The following PCNX2 variants were observed in gnomAD, a reference collection of about 807,000 sequenced individuals.
PCNX2 encodes pecanex-like protein 2.
Under a neutral mutation model 223.8 loss-of-function variants are expected in PCNX2, and 168 were observed. The observed-to-expected ratio is 0.75, with a 90% CI of 0.66 to 0.85. The LOEUF (loss-of-function observed/expected upper bound fraction) is 0.85, where lower values mean the gene tolerates loss of function less well. Among genes scored for constraint, PCNX2 ranks in the 40% least tolerant of loss-of-function variants. The pLI is 0.00. For synonymous variants in PCNX2, 1,006 were observed against 1,052.6 expected, an observed-to-expected ratio of 0.96 and a Z score of 0.86; for missense variants, 2,507 against 2,675.5, an observed-to-expected ratio of 0.94 and a Z score of 1.39.
chr1:233,161,448 T>TTGACCCAAGATA, intron 17 of PCNX2, 85 bp from the exon 18 acceptor site: 2 of 1,159,718 alleles, frequency 1.7e-6, no homozygotes, highest in Non-Finnish European at 2.5e-6. Flanking sequence ...CAGCAGGACA[T>TTGACCCAAGATA]TGACCCAAGA....
intron 25 of PCNX2, among the ~76,000 whole-genome samples, chr1:233,044,183 T>C (rs1671745640): frequency 6.6e-6 from 1 of 152,214 alleles, no homozygotes; most frequent in Non-Finnish European, 1.5e-5. Flanking sequence ...TTTTCATGTG[T>C]TTTTTGGCTG....
In PCNX2 at chr1:233,173,893, C is replaced by A. The variant is rs147026688; in HGVS notation, c.3273+3909G>T. On this transcript the variant is annotated intron_variant, in intron 17 of 33. Coordinates refer to ENST00000258229, the MANE Select transcript of PCNX2 (RefSeq NM_014801.4). ...CTTGCTTTTCTAAATTTTCTTTTCTCTGGTTGTATTTATGAATACTCTTAT... is the reference window on the plus strand; with the variant it reads ...CTTGCTTTTCTAAATTTTCTTTTCTATGGTTGTATTTATGAATACTCTTAT... Among the ~76,000 whole-genome samples the A allele has an allele frequency of 9.0e-3, 1,362 of 151,658 alleles. 6 individuals carry two copies. The highest frequency in any genetic ancestry group is 0.014 in the Non-Finnish European group (918 of 67,866).
In PCNX2 at chr1:233,207,501, C is replaced by T. The variant is rs534061383; in HGVS notation, c.2863+1017G>A. Among the ~76,000 whole-genome samples, 8 of 152,290 alleles carry T rather than the reference C, an allele frequency of 5.3e-5. 1 individual carries two copies. Among genetic ancestry groups the T allele is most frequent in the South Asian group, 2.1e-4 (1 of 4,824 alleles). ...CTGCAAGAATTCTCAGAGCATATGC[C>T]GTCGGGTCAATACCGGAGCAATCAC... On this transcript the variant is annotated intron_variant, in intron 13 of 33. Transcript: ENST00000258229.
At chr1:233,147,562 A>G (rs548665233) in intron 19 of PCNX2, among the ~76,000 whole-genome samples, 1 of 150,426 alleles carries the variant, frequency 6.6e-6, no homozygotes, top group African/African-American at 2.5e-5. Context: ...AGACAGGAGC[A>G]CTAGGTATAA....
intron 1 of PCNX2, chr1:233,293,877 C>T: frequency 2.3e-6 from 2 of 855,602 alleles, no homozygotes; most frequent in South Asian, 5.4e-5. Context: ...GGGCTGTGCT[C>T]CTCATGACTT....
At chr1:233,209,998 GCT>G (rs1681731812) in intron 12 of PCNX2, among the ~76,000 whole-genome samples, 1 of 152,014 alleles carries the variant, frequency 6.6e-6, no homozygotes, top group South Asian at 2.1e-4. Context: ...CTTTCCACTT[GCT>G]CTGATTTTTT....
intron 12 of PCNX2, among the ~76,000 whole-genome samples, chr1:233,212,748 TTC>T (rs952479031): frequency 6.6e-6 from 1 of 152,270 alleles, no homozygotes; most frequent in African/African-American, 2.4e-5. Context: ...TTGAAATGGT[TTC>T]TGTTTTAACT....
intron 27 of PCNX2, among the ~76,000 whole-genome samples, chr1:233,015,688 G>A (rs1670630540): frequency 6.6e-6 from 1 of 151,740 alleles, no homozygotes; most frequent in Non-Finnish European, 1.5e-5. Context: ...GCAAGACTCT[G>A]TCTCAAAAAA....
At chr1:233,202,490 T>A (rs1032089167) in intron 13 of PCNX2, among the ~76,000 whole-genome samples, 3 of 152,224 alleles carry the variant, frequency 2.0e-5, no homozygotes, top group African/African-American at 7.2e-5. Context: ...GCAGTCAGAA[T>A]TAAAATGGCA....
At chr1:233,283,164 CTG>C (rs2103021490) in intron 1 of PCNX2, among the ~76,000 whole-genome samples, 1 of 152,100 alleles carries the variant, frequency 6.6e-6, no homozygotes, top group African/African-American at 2.4e-5. Flanking sequence ...AGAGTTCTCA[CTG>C]TGGGAGAAGG....
intron 26 of PCNX2, among the ~76,000 whole-genome samples, chr1:233,020,128 G>C (rs780931217): frequency 2.6e-5 from 4 of 152,216 alleles, no homozygotes; most frequent in Non-Finnish European, 4.4e-5. Context: ...AGTCAGAATA[G>C]TCAATGAGGA....
intron 8 of PCNX2, among the ~76,000 whole-genome samples, chr1:233,250,237 T>C (rs1659373415): frequency 6.7e-6 from 1 of 150,012 alleles, no homozygotes. Context: ...ATGTCCCAGA[T>C]ATGCAAACTA....
intron 9 of PCNX2, among the ~76,000 whole-genome samples, chr1:233,236,337 C>T (rs1658413373): frequency 6.6e-6 from 1 of 152,056 alleles, no homozygotes; most frequent in Non-Finnish European, 1.5e-5. Flanking sequence ...AATGAATGAA[C>T]ATTAATAAGT....
At chr1:233,172,860 C>T (rs1203779547) in intron 17 of PCNX2, among the ~76,000 whole-genome samples, 1 of 152,116 alleles carries the variant, frequency 6.6e-6, no homozygotes, top group Admixed American at 6.6e-5. Flanking sequence ...ATGAAAAAGT[C>T]CCACGTGACT....
intron 32 of PCNX2, among the ~76,000 whole-genome samples, chr1:232,989,011 G>C (rs1472603830): frequency 6.6e-6 from 1 of 152,220 alleles, no homozygotes; most frequent in African/African-American, 2.4e-5. Flanking sequence ...CCTCTAGCAA[G>C]GGCTCAGGAT....
chr1:233,193,916 G>A (rs577806002), intron 15 of PCNX2, among the ~76,000 whole-genome samples: 2 of 152,100 alleles, frequency 1.3e-5, no homozygotes, highest in South Asian at 2.1e-4. Flanking sequence ...AAATGATGTG[G>A]GGCAATATTA....
intron 8 of PCNX2, among the ~76,000 whole-genome samples, chr1:233,243,945 C>T (rs1251404438): frequency 6.6e-6 from 1 of 152,130 alleles, no homozygotes; most frequent in Admixed American, 6.5e-5. Flanking sequence ...TATTCTCCTG[C>T]CTCAGCCTCC....
At chr1:233,172,374 T>G in intron 17 of PCNX2, 4 of 985,448 alleles carry the variant, frequency 4.1e-6, no homozygotes, top group Non-Finnish European at 4.8e-6. Flanking sequence ...CTTCATAAAT[T>G]GAGGGATTTG....
the PCNX2 span, among the ~76,000 whole-genome samples, chr1:233,313,530 C>G: frequency 1.3e-5 from 2 of 151,482 alleles, no homozygotes; most frequent in Non-Finnish European, 2.9e-5. Context: ...ACAACAGATT[C>G]AACTATGTAG....
Sources: gnomAD v4.1 joint callset for allele counts (sites outside exome capture counted in the v4.1 genomes callset) on GRCh38, gnomAD v4.1.1 for gene constraint, MANE v1.5 for transcripts, NCBI Gene and HGNC (gene_info 2026-07-23, HGNC 2026-07-21) for gene names.